NME7: variants seen among roughly 807,000 people sequenced by gnomAD.
NME7 encodes the protein NME/NM23 family member 7, also known as nucleoside diphosphate kinase 7.
In NME7, 41 loss-of-function variants were observed where a neutral mutation model predicts 49.1. The ratio of observed to expected loss-of-function variants is 0.83; its 90% CI spans 0.65 to 1.08. The LOEUF (loss-of-function observed/expected upper bound fraction) is 1.08. NME7 is among the 50% of genes least tolerant of loss of function. NME7 has a pLI of 0.00. For synonymous variants in NME7, 139 were observed against 150.6 expected (o/e 0.92, Z 0.56); for missense variants, 423 against 463.4 (o/e 0.91, Z 0.80).
intron 10 of NME7, among the ~76,000 whole-genome samples, chr1:169,211,660 T>A (rs12089602): frequency 0.062 from 9,453 of 152,188 alleles, 385 homozygotes; most frequent in East Asian, 0.12. Flanking sequence ...GTTAAAGGCA[T>A]GAAGTTGAGA....
chr1:169,256,840 G>A (rs1168612412), intron 7 of NME7, among the ~76,000 whole-genome samples: 1 of 131,828 alleles, frequency 7.6e-6, no homozygotes, highest in African/African-American at 2.6e-5. Flanking sequence ...GTGTCAGTGT[G>A]CTCTTGCTGG....
chr1:169,364,259 A>C (rs1386285199), intron 1 of NME7, among the ~76,000 whole-genome samples: 1 of 152,204 alleles, frequency 6.6e-6, no homozygotes. Flanking sequence ...TAAACAAATA[A>C]TTTCAACCGA....
At chr1:169,313,680 T>TACACAC (rs1420312811) in intron 3 of NME7, among the ~76,000 whole-genome samples, 1 of 151,626 alleles carries the variant, frequency 6.6e-6, no homozygotes, top group African/African-American at 2.4e-5. Context: ...CACAGACACA[T>TACACAC]ACACACATAC....
At chr1:169,200,449 G>A (rs1324655194) in intron 10 of NME7, among the ~76,000 whole-genome samples, 1 of 151,976 alleles carries the variant, frequency 6.6e-6, no homozygotes, top group African/African-American at 2.4e-5. Context: ...TTAACATCTG[G>A]GGCCTTATTG....
rs185676122 is a variant in NME7, at chr1:169,246,415, G to C, written c.755-8728C>G. Among the ~76,000 whole-genome samples the C allele has an allele frequency of 5.8e-3, 877 of 152,260 alleles. 7 individuals are homozygous for C. Among genetic ancestry groups the C allele is most frequent in the African/African-American group, 0.02 (840 of 41,546 alleles). On this transcript the variant is annotated intron_variant, in intron 7 of 11. Coordinates refer to ENST00000367811, the MANE Select transcript of NME7 (RefSeq NM_013330.5). ...TAATGGATCTCAAATTAATCCATCA[G>C]GTGATCATAAAACCCACATTAGTAG...
intron 5 of NME7, among the ~76,000 whole-genome samples, chr1:169,301,175 T>C (rs79548876): frequency 0.021 from 3,157 of 152,102 alleles, 110 homozygotes; most frequent in African/African-American, 0.072. Flanking sequence ...TCACAAACTA[T>C]GCATTCAACA....
chr1:169,192,434 A>G (rs772117643), intron 10 of NME7, among the ~76,000 whole-genome samples: 1 of 152,210 alleles, frequency 6.6e-6, no homozygotes, highest in Non-Finnish European at 1.5e-5. Context: ...CATAGCATTT[A>G]CATTGTATTA....
At chr1:169,340,627 T>C (rs1357642585) in intron 1 of NME7, among the ~76,000 whole-genome samples, 4 of 152,278 alleles carry the variant, frequency 2.6e-5, no homozygotes, top group South Asian at 2.1e-4. Context: ...TCCTAAAGAA[T>C]TGTTGAATGG....
chr1:169,133,044 A>G (rs978017103), intron 11 of NME7, among the ~76,000 whole-genome samples: 1 of 152,150 alleles, frequency 6.6e-6, no homozygotes, highest in African/African-American at 2.4e-5. Flanking sequence ...AGTTTAGAAA[A>G]CATGAAGTGT....
intron 11 of NME7, among the ~76,000 whole-genome samples, chr1:169,156,499 A>G (rs554844325): frequency 6.6e-6 from 1 of 152,222 alleles, no homozygotes. Context: ...GATTTTCCAT[A>G]GTTATTAATT....
At chr1:169,226,159 T>C (rs1005914293) in intron 10 of NME7, among the ~76,000 whole-genome samples, 1 of 152,118 alleles carries the variant, frequency 6.6e-6, no homozygotes. Flanking sequence ...GATATGGGAG[T>C]GACTAGGCAA....
intron 10 of NME7, among the ~76,000 whole-genome samples, chr1:169,170,468 C>T (rs1242452692): frequency 6.6e-6 from 1 of 152,018 alleles, no homozygotes; most frequent in Non-Finnish European, 1.5e-5. Flanking sequence ...GTTTTATTTG[C>T]CAGGGTTCCA....
At chr1:169,286,892 TGC>T (rs1323928347) in intron 7 of NME7, 1 of 146,830 alleles carries the variant, frequency 6.8e-6, no homozygotes, top group Non-Finnish European at 1.4e-5. Flanking sequence ...AGGCTGAGGT[TGC>T]AGTAACTCGA....
chr1:169,313,180 A>T (rs1163779769), intron 3 of NME7, among the ~76,000 whole-genome samples: 2 of 150,374 alleles, frequency 1.3e-5, no homozygotes, highest in Non-Finnish European at 3.0e-5. Context: ...AATTGACTAG[A>T]TCATAAATAA....
At chr1:169,339,171 C>T (rs1293809255) in intron 1 of NME7, among the ~76,000 whole-genome samples, 3 of 152,040 alleles carry the variant, frequency 2.0e-5, no homozygotes, top group Admixed American at 2.0e-4. Flanking sequence ...TCAAAAAACT[C>T]CCCCCCAAAC....
chr1:169,146,527 C>A (rs76690332), intron 11 of NME7, among the ~76,000 whole-genome samples: 1 of 152,184 alleles, frequency 6.6e-6, no homozygotes, highest in Non-Finnish European at 1.5e-5. Context: ...TCCCAGTGAC[C>A]TCTTCCCAGG....
chr1:169,198,114 C>T (rs990279432), intron 10 of NME7, among the ~76,000 whole-genome samples: 2 of 152,108 alleles, frequency 1.3e-5, no homozygotes, highest in South Asian at 4.2e-4. Context: ...TACTCGATAT[C>T]ACTAGTCAAT....
intron 11 of NME7, among the ~76,000 whole-genome samples, chr1:169,162,195 T>C (rs772113139): frequency 6.6e-6 from 1 of 152,220 alleles, no homozygotes; most frequent in Non-Finnish European, 1.5e-5. Flanking sequence ...ATTTGAGTAA[T>C]AATTCCATCT....
chr1:169,335,582 G>T (rs1276242332), intron 1 of NME7, among the ~76,000 whole-genome samples: 5 of 151,310 alleles, frequency 3.3e-5, no homozygotes, highest in African/African-American at 1.2e-4. Context: ...GGGAACTTAG[G>T]GGACGAGTCA....
Sources: gnomAD v4.1 joint callset for allele counts (sites outside exome capture counted in the v4.1 genomes callset) on GRCh38, gnomAD v4.1.1 for gene constraint, MANE v1.5 for transcripts, NCBI Gene and HGNC (gene_info 2026-07-23, HGNC 2026-07-21) for gene names.